MTMR7: variants seen among roughly 807,000 people sequenced by gnomAD.
The protein encoded by MTMR7 is phosphatidylinositol-3-phosphate phosphatase MTMR7.
In MTMR7, 76 loss-of-function variants were observed where a neutral mutation model predicts 81.2. The observed-to-expected ratio is 0.94, with a 90% CI of 0.78 to 1.13. The LOEUF (loss-of-function observed/expected upper bound fraction) is 1.13, where lower values mean the gene tolerates loss of function less well. Ranked by LOEUF, MTMR7 falls within the 50% of genes most tolerant of loss-of-function variation. MTMR7 has a pLI of 0.00. For missense variants in MTMR7, 1,044 were observed against 820.0 expected (o/e 1.27, Z -3.34); for synonymous variants, 372 against 289.8 (o/e 1.28, Z -2.88).
Position 17,305,926 on chromosome 8 carries a change from T to C in MTMR7, c.1183A>G (p.Ile395Val). The C allele has an allele frequency of 6.2e-7, 1 of 1,613,566 alleles. No individual in the cohort carries two copies. The highest frequency in any genetic ancestry group is 1.1e-5 in the South Asian group (1 of 91,028). ...ATGAACTGGTCAATAACTGGAGAGA[T>C]TTCTTTTGGGTCACCATCTAGATTG... ...YGNLDGDPKE[I>V]SPVIDQFIEC... The change falls in exon 11 of 14, where the codon ATC (isoleucine) becomes GTC (valine). Residue 395 changes from isoleucine to valine, a missense_variant. Coordinates refer to ENST00000180173, the MANE Select transcript of MTMR7 (RefSeq NM_004686.5).
intron 6 of MTMR7, chr8:17,338,817 G>C (rs1342195181): frequency 6.6e-6 from 1 of 151,948 alleles, no homozygotes; most frequent in Non-Finnish European, 1.5e-5. Context: ...TAATCTAGTA[G>C]AATGTGAATG....
intron 5 of MTMR7, among the ~76,000 whole-genome samples, chr8:17,343,858 G>A (rs141956776): frequency 1.2e-4 from 18 of 152,192 alleles, no homozygotes; most frequent in African/African-American, 4.3e-4. Flanking sequence ...CAGTGCTTTT[G>A]TGCACCTATA....
At chr8:17,406,446 C>A (rs1463210183) in intron 1 of MTMR7, among the ~76,000 whole-genome samples, 1 of 152,156 alleles carries the variant, frequency 6.6e-6, no homozygotes, top group East Asian at 1.9e-4. Context: ...TGAGATACCA[C>A]TTCACACCCA....
At chr8:17,332,710 T>G (rs1423930508) in intron 6 of MTMR7, among the ~76,000 whole-genome samples, 1 of 152,246 alleles carries the variant, frequency 6.6e-6, no homozygotes. Context: ...GTCGAACCAT[T>G]AAGTCAGAGA....
chr8:17,365,576 C>T (rs372008792), intron 3 of MTMR7, among the ~76,000 whole-genome samples: 18 of 152,168 alleles, frequency 1.2e-4, no homozygotes, highest in African/African-American at 4.1e-4. Context: ...TAGTGACCAG[C>T]AGCTTTCAGC....
chr8:17,409,736 G>T (rs916746752), intron 1 of MTMR7, among the ~76,000 whole-genome samples: 2 of 152,178 alleles, frequency 1.3e-5, no homozygotes, highest in Admixed American at 6.5e-5. Context: ...ACAACAGGCA[G>T]ATCTGATTTA....
chr8:17,375,001 A>T (rs1176093227), intron 1 of MTMR7, among the ~76,000 whole-genome samples: 2 of 152,102 alleles, frequency 1.3e-5, no homozygotes, highest in Non-Finnish European at 1.5e-5. Context: ...CGGCAGGATA[A>T]CTGCTTACAA....
In MTMR7 at chr8:17,299,983, C is replaced by T. The variant is rs745944750; in HGVS notation, c.1862G>A (p.Ser621Asn). ...ATCCTCCACCCCGGACTCTTGGTCA[C>T]TGTTGGCTGACAGATCTGGATCTGA... ...KSSDPDLSAN[S>N]DQESGVEDLS... Residue 621 changes from serine to asparagine, a missense_variant, in exon 14 of 14, where the codon AGT becomes AAT. Transcript: ENST00000180173. 2 of 1,614,040 alleles carry T rather than the reference C, an allele frequency of 1.2e-6. No homozygotes were observed. Among genetic ancestry groups the T allele is most frequent in the Non-Finnish European group, 1.7e-6 (2 of 1,180,024 alleles).
At chr8:17,370,474 T>A (rs1256546712) in intron 3 of MTMR7, among the ~76,000 whole-genome samples, 1 of 144,020 alleles carries the variant, frequency 6.9e-6, no homozygotes, top group African/African-American at 2.6e-5. Context: ...GAGCTGAGAT[T>A]GCACCAGGAG....
At chr8:17,372,082 G>C (rs1018472209) in intron 2 of MTMR7, among the ~76,000 whole-genome samples, 1 of 151,896 alleles carries the variant, frequency 6.6e-6, no homozygotes, top group African/African-American at 2.4e-5. Flanking sequence ...CTCTAAAGAG[G>C]AGATTAACTT....
At chr8:17,382,610 T>C (rs1413471411) in intron 1 of MTMR7, among the ~76,000 whole-genome samples, 1 of 152,204 alleles carries the variant, frequency 6.6e-6, no homozygotes, top group East Asian at 1.9e-4. Context: ...TTAATGTTGA[T>C]ATTCACGCTA....
Position 17,302,234 on chromosome 8 carries a change from G to A in MTMR7, c.1540C>T (p.Arg514Ter), listed in dbSNP as rs938400103. 3.7e-6 allele frequency: 6 copies of A among 1,613,812 alleles called. No homozygotes were observed. Among genetic ancestry groups the A allele is most frequent in the Non-Finnish European group, 4.2e-6 (5 of 1,179,956 alleles). Residue 514 changes from arginine (R) to a stop codon, truncating the protein, a stop_gained, in exon 13 of 14, where the codon CGA becomes TGA. Coordinates refer to ENST00000180173, the MANE Select transcript of MTMR7 (RefSeq NM_004686.5). LOFTEE classifies it high-confidence loss of function. The part of the protein sequence containing the change: ...YNRFEKGMQP[R>*]QSVTDYLMAV... ...ATTAGGTAATCTGTAACTGACTGTC[G>A]GGGCTGCATCCCCTTTTCAAAGCGG...
chr8:17,370,871 A>C (rs1820396776), intron 3 of MTMR7, among the ~76,000 whole-genome samples, 166 bp downstream of exon 3: 2 of 152,174 alleles, frequency 1.3e-5, no homozygotes, highest in Admixed American at 1.3e-4. Context: ...TAAAAAAACA[A>C]GAAACTCTGT....
chr8:17,307,431 G>A (rs1273633376), intron 10 of MTMR7, among the ~76,000 whole-genome samples: 1 of 152,168 alleles, frequency 6.6e-6, no homozygotes, highest in African/African-American at 2.4e-5. Context: ...CTTTTACACT[G>A]TTGGTGGGAC....
intron 1 of MTMR7, among the ~76,000 whole-genome samples, chr8:17,396,906 A>G (rs1002308557): frequency 6.6e-6 from 1 of 151,956 alleles, no homozygotes; most frequent in Admixed American, 6.6e-5. Flanking sequence ...GATACCAGGC[A>G]GAGTTAGTTG....
intron 11 of MTMR7, among the ~76,000 whole-genome samples, chr8:17,305,179 C>G (rs1817371705): frequency 6.6e-6 from 1 of 152,080 alleles, no homozygotes; most frequent in Non-Finnish European, 1.5e-5. Context: ...TGATCATTCC[C>G]CAAATTAAAT....
chr8:17,322,282 C>T (rs1055464693), intron 7 of MTMR7, among the ~76,000 whole-genome samples: 1 of 152,158 alleles, frequency 6.6e-6, no homozygotes, highest in African/African-American at 2.4e-5. Context: ...ATGGCCTGTA[C>T]GAGCGAAGTG....
chr8:17,387,928 A>G (rs909535038), intron 1 of MTMR7, among the ~76,000 whole-genome samples: 1 of 152,236 alleles, frequency 6.6e-6, no homozygotes. Context: ...TACATTTGTT[A>G]AAACAGCAGA....
chr8:17,363,212 C>A (rs1474448745), intron 3 of MTMR7, among the ~76,000 whole-genome samples: 1 of 152,214 alleles, frequency 6.6e-6, no homozygotes. Context: ...AACATTGACA[C>A]ATCTTTTCCA....
Sources: gnomAD v4.1 joint callset for allele counts (sites outside exome capture counted in the v4.1 genomes callset) on GRCh38, gnomAD v4.1.1 for gene constraint, MANE v1.5 for transcripts, NCBI Gene and HGNC (gene_info 2026-07-23, HGNC 2026-07-21) for gene names.